Variants in SKAP2 observed in about 807,000 individuals in gnomAD.
SKAP2 encodes the protein src kinase associated phosphoprotein 2.
SKAP2 carries 28 observed loss-of-function variants against 54.9 expected under a neutral mutation model. The observed-to-expected ratio is 0.51, with a 90% CI of 0.38 to 0.70. The LOEUF is 0.70. Among genes scored for constraint, SKAP2 ranks in the 30% least tolerant of loss-of-function variants. The pLI is 0.00. For missense variants in SKAP2, 356 were observed against 424.1 expected, an observed-to-expected ratio of 0.84 and a Z score of 1.41; for synonymous variants, 137 against 134.3, an observed-to-expected ratio of 1.02 and a Z score of -0.14.
intron 9 of SKAP2, among the ~76,000 whole-genome samples, chr7:26,705,960 G>C (rs1009211484): frequency 6.6e-6 from 1 of 152,120 alleles, no homozygotes; most frequent in African/African-American, 2.4e-5. Context: ...TTTTTTTAAA[G>C]TAGATGTTGC....
At chr7:26,702,287 G>A (rs563765410) in intron 9 of SKAP2, among the ~76,000 whole-genome samples, 7 of 152,052 alleles carry the variant, frequency 4.6e-5, no homozygotes, top group South Asian at 2.1e-4. Context: ...GACTGCAGGC[G>A]CACACTACTA....
chr7:26,809,473 T>A, intron 4 of SKAP2, among the ~76,000 whole-genome samples: 1 of 149,250 alleles, frequency 6.7e-6, no homozygotes, highest in Admixed American at 6.7e-5. Flanking sequence ...AAAGAAGACC[T>A]ACAAATGTCC....
chr7:26,733,075 G>A (rs1455743900), intron 6 of SKAP2, among the ~76,000 whole-genome samples: 1 of 151,738 alleles, frequency 6.6e-6, no homozygotes, highest in African/African-American at 2.4e-5. Context: ...AGGTTGCAGT[G>A]TGCTGAGATC....
At chr7:26,686,847 T>G (rs1307103451) in intron 10 of SKAP2, among the ~76,000 whole-genome samples, 1 of 152,066 alleles carries the variant, frequency 6.6e-6, no homozygotes, top group Non-Finnish European at 1.5e-5. Context: ...CCACAGTAAC[T>G]GGCCAGGAGG....
chr7:26,744,905 C>T (rs1782529262), intron 4 of SKAP2, among the ~76,000 whole-genome samples: 1 of 152,068 alleles, frequency 6.6e-6, no homozygotes, highest in Admixed American at 6.6e-5. Flanking sequence ...TTTTGATATG[C>T]AACTTTGGTG....
chr7:26,808,236 T>C (rs778834873), intron 4 of SKAP2, among the ~76,000 whole-genome samples: 1 of 152,140 alleles, frequency 6.6e-6, no homozygotes, highest in Non-Finnish European at 1.5e-5. Flanking sequence ...CATGAACAGA[T>C]GAATGGATAA....
At chr7:26,720,077 C>T (rs977849856) in intron 9 of SKAP2, among the ~76,000 whole-genome samples, 2 of 151,768 alleles carry the variant, frequency 1.3e-5, no homozygotes, top group Non-Finnish European at 2.9e-5. Flanking sequence ...CACACACACA[C>T]ACACACACAC....
At chr7:26,824,661 A>G (rs537472545) in intron 4 of SKAP2, among the ~76,000 whole-genome samples, 1 of 152,358 alleles carries the variant, frequency 6.6e-6, no homozygotes, top group South Asian at 2.1e-4. Flanking sequence ...GTCAGACTAG[A>G]AATATTCCAG....
intron 1 of SKAP2, among the ~76,000 whole-genome samples, chr7:26,856,399 A>G (rs762980647): frequency 2.2e-4 from 32 of 145,066 alleles, no homozygotes; most frequent in Non-Finnish European, 3.7e-4. Flanking sequence ...CTAATGTGTT[A>G]AAAAAAAGTA....
Position 26,676,730 on chromosome 7 carries a change from G to A in SKAP2, c.988-6538C>T, listed in dbSNP as rs189340788. Among the ~76,000 whole-genome samples the A allele has an allele frequency of 2.5e-3, 376 of 152,264 alleles. 1 individual carries two copies. The highest frequency in any genetic ancestry group is 4.1e-3 in the Non-Finnish European group (280 of 68,020). On this transcript the variant is annotated intron_variant, in intron 11 of 12. Transcript: ENST00000345317. ...CAGTGTCTACCTCAAGAAGTTCAAA[G>A]TTTAGACAGAAAGCCAGAGAAACAG...
intron 9 of SKAP2, among the ~76,000 whole-genome samples, chr7:26,712,074 G>T (rs1324050594): frequency 6.6e-6 from 1 of 152,148 alleles, no homozygotes; most frequent in East Asian, 1.9e-4. Flanking sequence ...AGTAGAAATA[G>T]AAAAGAAAGG....
At chr7:26,714,290 T>A (rs1303805094) in intron 9 of SKAP2, among the ~76,000 whole-genome samples, 1 of 152,162 alleles carries the variant, frequency 6.6e-6, no homozygotes, top group Non-Finnish European at 1.5e-5. Context: ...CTGAATGTCC[T>A]TATTATATAT....
chr7:26,823,493 G>A (rs1461597581), intron 4 of SKAP2, among the ~76,000 whole-genome samples: 1 of 150,414 alleles, frequency 6.6e-6, no homozygotes, highest in Non-Finnish European at 1.5e-5. Flanking sequence ...GAAACTTTGA[G>A]TGGTCTGGCT....
At chr7:26,794,117 GA>G (rs1351768371) in intron 4 of SKAP2, among the ~76,000 whole-genome samples, 2 of 152,066 alleles carry the variant, frequency 1.3e-5, no homozygotes, top group African/African-American at 4.8e-5. Context: ...TTTTTAAGTT[GA>G]TACTTTTTCT....
At chr7:26,857,757 A>G in intron 1 of SKAP2, 2 of 984,456 alleles carry the variant, frequency 2.0e-6, no homozygotes, top group Non-Finnish European at 2.4e-6. Context: ...GCTCAGAGCC[A>G]GGGTAATATT....
At chr7:26,660,121 C>A in the SKAP2 span, among the ~76,000 whole-genome samples, 1 of 152,192 alleles carries the variant, frequency 6.6e-6, no homozygotes, top group East Asian at 1.9e-4. Flanking sequence ...TAAAATGGCA[C>A]ACTTGAATAA....
At chr7:26,737,721 T>G (rs1009179277) in intron 6 of SKAP2, among the ~76,000 whole-genome samples, 1 of 152,190 alleles carries the variant, frequency 6.6e-6, no homozygotes, top group Non-Finnish European at 1.5e-5. Context: ...AATATTCAAC[T>G]CCTAGCCTGT....
At chr7:26,677,684 G>A (rs1786380973) in intron 11 of SKAP2, among the ~76,000 whole-genome samples, 1 of 152,252 alleles carries the variant, frequency 6.6e-6, no homozygotes, top group African/African-American at 2.4e-5. Flanking sequence ...CTACAACACT[G>A]ATACCCTACA....
chr7:26,768,094 A>G (rs1783101439), intron 4 of SKAP2, among the ~76,000 whole-genome samples: 1 of 152,120 alleles, frequency 6.6e-6, no homozygotes, highest in Non-Finnish European at 1.5e-5. Flanking sequence ...TGGGAGTCTA[A>G]GTCTCTTTGT....
Sources: allele counts gnomAD v4.1 joint callset (sites outside exome capture counted in the v4.1 genomes callset), GRCh38; gene constraint gnomAD v4.1.1; transcripts MANE v1.5; gene names NCBI Gene and HGNC (gene_info 2026-07-23, HGNC 2026-07-21).